The following OPA3 variants were observed in gnomAD, a reference collection of about 807,000 sequenced individuals.
OPA3 encodes the protein outer mitochondrial membrane lipid metabolism regulator OPA3, also known as optic atrophy 3 protein.
OPA3 carries 6 observed loss-of-function variants against 4.0 expected under a neutral mutation model. That is an observed-to-expected ratio of 1.51 (90% CI 0.83 to 2.99). OPA3 has a LOEUF of 2.99. OPA3 is among the 30% of genes most tolerant of loss of function. OPA3 has a pLI of 0.00. For synonymous variants in OPA3, 105 were observed against 117.1 expected (o/e 0.90, Z 0.67); for missense variants, 235 against 256.2 (o/e 0.92, Z 0.56).
In OPA3 at chr19:45,584,355, C is replaced by G. The variant is rs985374756; in HGVS notation, c.142+268G>C. ...CCCATCTCTCACACTATTGGTTTAA[C>G]AGGGCATCAGTCTCCAAGCGCTCTC... On this transcript the variant is annotated intron_variant, in intron 1 of 1. Transcript: ENST00000263275. 2.6e-5 allele frequency: 26 copies of G among 985,284 alleles called. No homozygotes were observed. The Admixed American group carries it at 1.6e-3, about 61-fold the overall frequency. The allele number at this position is 985,284 out of a possible 1,614,324, so 61.0% of individuals were successfully genotyped here. A position where few individuals can be genotyped will look rare whatever the true frequency, so the allele number is the denominator to read the frequency against.
In OPA3 at chr19:45,549,106, CA is replaced by C. The variant is rs1969294786; in HGVS notation, c.*4407del. On this transcript the variant is annotated 3_prime_UTR_variant, in exon 2 of 2. Coordinates refer to ENST00000263275, the MANE Select transcript of OPA3 (RefSeq NM_025136.4). ...AGGTGTGAGCCACTGCGCCCAGTCC[CA>C]AGGACTTTTTAAATATGAAAAAAGA... 1.0e-6 allele frequency: 1 copy of C among 985,034 alleles called. No homozygotes were observed. The highest frequency in any genetic ancestry group is 1.7e-5 in the African/African-American group (1 of 57,178). 61.0% of individuals were successfully genotyped at this position (985,034 alleles called of 1,614,324 possible). A position where few individuals can be genotyped will look rare whatever the true frequency, so the allele number is the denominator to read the frequency against.
intron 1 of OPA3, among the ~76,000 whole-genome samples, chr19:45,572,613 TATC>T (rs1316710171): frequency 3.8e-5 from 5 of 133,326 alleles, no homozygotes; most frequent in African/African-American, 1.3e-4. Context: ...ATATCATATA[TATC>T]ATGATATATG....
intron 1 of OPA3, among the ~76,000 whole-genome samples, chr19:45,536,741 C>A (rs1351444519): frequency 1.3e-5 from 2 of 152,114 alleles, no homozygotes; most frequent in Non-Finnish European, 2.9e-5. Context: ...CACACATGCA[C>A]AGTCATATGA....
In OPA3 at chr19:45,553,923, G is replaced by C. The variant is rs529036845; in HGVS notation, c.143-12C>G. The C allele has an allele frequency of 6.3e-7, 1 of 1,598,546 alleles. No homozygotes were observed. Among genetic ancestry groups the C allele is most frequent in the East Asian group, 2.2e-5 (1 of 44,450 alleles). ...CACCCAGTGATACACTGCGGGGGAA[G>C]AGAGGGGTCAGGCTGCGCTCTGGGA... On this transcript the variant is annotated splice_polypyrimidine_tract_variant and intron_variant, in intron 1 of 1. Transcript: ENST00000263275.
rs551652854 is a variant in OPA3 at position 45,572,525 on chromosome 19, GATAT to G, written c.142+12094_142+12097del. Reference sequence around the variant, plus strand: ...GATATATATCATATATGAGATATGAGATATATATATCATATGATATATATATCAT... The same window carrying G: ...GATATATATCATATATGAGATATGAGATATATCATATGATATATATATCAT... On this transcript the variant is annotated intron_variant, in intron 1 of 1. Coordinates refer to ENST00000263275, the MANE Select transcript of OPA3 (RefSeq NM_025136.4). 5.0e-5 allele frequency among the ~76,000 whole-genome samples: 6 copies of G among 119,304 alleles called. No homozygotes were observed. In the Admixed American group the frequency reaches 5.6e-4, roughly 11 times the overall value. 78.3% of individuals were successfully genotyped at this position (119,304 alleles called of 152,430 possible).
chr19:45,580,937 A>G (rs1487198754), intron 1 of OPA3, among the ~76,000 whole-genome samples: 1 of 152,126 alleles, frequency 6.6e-6, no homozygotes, highest in Non-Finnish European at 1.5e-5. Flanking sequence ...TTTCTAAACC[A>G]CAACGCTAAG....
Position 45,548,390 on chromosome 19 carries a change from C to A in OPA3, c.*5124G>T, listed in dbSNP as rs1396909252. The stretch of plus-strand genomic sequence containing the variant: ...CTGCCAGGAGATGGGAGGGGCACAG[C>A]CCTCAGGGCACCTCCCAGGGTTTTG... On this transcript the variant is annotated 3_prime_UTR_variant, in exon 2 of 2. Coordinates refer to ENST00000263275, the MANE Select transcript of OPA3 (RefSeq NM_025136.4). 1 of 985,454 alleles carries A rather than the reference C, an allele frequency of 1.0e-6. No individual in the cohort carries two copies. Among genetic ancestry groups the A allele is most frequent in the Non-Finnish European group, 1.2e-6 (1 of 830,030 alleles). The allele number at this position is 985,454 out of a possible 1,614,324, so 61.0% of individuals were successfully genotyped here.
intron 1 of OPA3, among the ~76,000 whole-genome samples, chr19:45,576,039 G>A (rs979925605): frequency 6.7e-6 from 1 of 149,624 alleles, no homozygotes; most frequent in Non-Finnish European, 1.5e-5. Context: ...TTGAAGACCA[G>A]CTGGCCAACA....
At chr19:45,562,792 T>C (rs941580459) in intron 1 of OPA3, among the ~76,000 whole-genome samples, 2 of 152,204 alleles carry the variant, frequency 1.3e-5, no homozygotes, top group African/African-American at 4.8e-5. Flanking sequence ...ACTGCTGAGA[T>C]AGGAATGAGG....
At chr19:45,570,659 C>A (rs1400817875) in intron 1 of OPA3, among the ~76,000 whole-genome samples, 3 of 151,846 alleles carry the variant, frequency 2.0e-5, no homozygotes, top group Non-Finnish European at 4.4e-5. Flanking sequence ...TGCACTACAG[C>A]CTGGGCGACA....
chr19:45,561,145 C>G (rs1025321937), intron 1 of OPA3, among the ~76,000 whole-genome samples: 3 of 152,080 alleles, frequency 2.0e-5, no homozygotes, highest in African/African-American at 4.8e-5. Context: ...ACCAGCCTGA[C>G]CAACATGGAG....
At chr19:45,532,714 A>G (rs1392073403) in intron 1 of OPA3, among the ~76,000 whole-genome samples, 1 of 152,024 alleles carries the variant, frequency 6.6e-6, no homozygotes, top group East Asian at 1.9e-4. Flanking sequence ...AGGGAAGTTT[A>G]GTGTCCATTC....
At chr19:45,574,794 C>G (rs888460598) in intron 1 of OPA3, among the ~76,000 whole-genome samples, 2 of 152,172 alleles carry the variant, frequency 1.3e-5, no homozygotes, top group African/African-American at 4.8e-5. Context: ...GATTCCAGGC[C>G]TTGCCCTTAA....
chr19:45,579,507 C>T (rs1212883221), intron 1 of OPA3, among the ~76,000 whole-genome samples: 1 of 152,138 alleles, frequency 6.6e-6, no homozygotes, highest in Non-Finnish European at 1.5e-5. Flanking sequence ...AGGCATGAGC[C>T]ACTGGGCCCA....
Position 45,548,366 on chromosome 19 carries a change from T to G in OPA3, c.*5148A>C. On this transcript the variant is annotated 3_prime_UTR_variant, in exon 2 of 2. Coordinates refer to ENST00000263275, the MANE Select transcript of OPA3 (RefSeq NM_025136.4). ...AACCAACAAGAGGGACAGCAGGGCC[T>G]GCCAGGAGATGGGAGGGGCACAGCC... 1.0e-6 allele frequency: 1 copy of G among 985,574 alleles called. No homozygotes were observed. Among genetic ancestry groups the G allele is most frequent in the Non-Finnish European group, 1.2e-6 (1 of 830,026 alleles). The allele number at this position is 985,574 out of a possible 1,614,324, so 61.1% of individuals were successfully genotyped here.
intron 1 of OPA3, among the ~76,000 whole-genome samples, chr19:45,567,526 G>A (rs919168843): frequency 6.6e-6 from 1 of 152,078 alleles, no homozygotes; most frequent in East Asian, 1.9e-4. Context: ...AGACAGAGCA[G>A]GGGAGGAGGG....
chr19:45,564,232 C>T (rs772727568), intron 1 of OPA3, among the ~76,000 whole-genome samples: 6 of 151,406 alleles, frequency 4.0e-5, no homozygotes, highest in Non-Finnish European at 8.8e-5. Context: ...AGCCTTGAGG[C>T]GGGAGCAGAT....
Position 45,548,516 on chromosome 19 carries a change from G to A in OPA3, c.*4998C>T. ...CCTAAACAACTATGGGGTGGGGCAG[G>A]GAACACTGGAAAAGAAATGTACGTG... On this transcript the variant is annotated 3_prime_UTR_variant, in exon 2 of 2. Transcript: ENST00000263275. The A allele has an allele frequency of 1.0e-6, 1 of 985,436 alleles. No individual in the cohort carries two copies. Among genetic ancestry groups the A allele is most frequent in the Non-Finnish European group, 1.2e-6 (1 of 829,952 alleles). 61.0% of individuals were successfully genotyped at this position (985,436 alleles called of 1,614,324 possible).
At chr19:45,544,795 A>AAAATAAATAAATAAATAAAT (rs200192671), downstream of OPA3, among the ~76,000 whole-genome samples, 123 of 140,746 alleles carry the variant, frequency 8.7e-4, no homozygotes, top group African/African-American at 1.1e-3. Context: ...ACTCCGTCTC[A>AAAATAAATAAATAAATAAAT]AAATAAATAA....
Sources: gnomAD v4.1 joint callset for allele counts (sites outside exome capture counted in the v4.1 genomes callset) on GRCh38, gnomAD v4.1.1 for gene constraint, MANE v1.5 for transcripts, NCBI Gene and HGNC (gene_info 2026-07-23, HGNC 2026-07-21) for gene names.